Variants in CELF2 observed in about 807,000 individuals in gnomAD.
CELF2 encodes the protein CUGBP Elav-like family member 2.
A neutral mutation model predicts 62.6 loss-of-function variants in CELF2; 8 were observed. That is an observed-to-expected ratio of 0.13 (90% confidence interval 0.07 to 0.23). The LOEUF (loss-of-function observed/expected upper bound fraction) is 0.23. Among genes scored for constraint, CELF2 ranks in the 10% least tolerant of loss-of-function variants. CELF2 has a pLI of 1.00. For synonymous variants in CELF2, 258 were observed against 250.0 expected (o/e 1.03, Z -0.30); for missense variants, 333 against 671.0 (o/e 0.50, Z 5.56).
chr10:10,862,219 A>G (rs1591303965), intron 1 of CELF2, among the ~76,000 whole-genome samples: 1 of 152,212 alleles, frequency 6.6e-6, no homozygotes, highest in African/African-American at 2.4e-5. Flanking sequence ...CCAGTGGCTT[A>G]AAACAGTCCT....
chr10:11,307,079 G>A (rs533178354), intron 9 of CELF2, among the ~76,000 whole-genome samples: 2 of 152,318 alleles, frequency 1.3e-5, no homozygotes, highest in South Asian at 2.1e-4. Context: ...AGCAGTGTGT[G>A]GCATCAACAC....
chr10:10,877,296 C>T (rs998745552), intron 1 of CELF2, among the ~76,000 whole-genome samples: 2 of 152,198 alleles, frequency 1.3e-5, no homozygotes, highest in Non-Finnish European at 2.9e-5. Flanking sequence ...CTCAGGAGAT[C>T]CTGATGACAT....
chr10:10,925,886 C>T (rs1373576952), intron 2 of CELF2, among the ~76,000 whole-genome samples: 1 of 152,198 alleles, frequency 6.6e-6, no homozygotes, highest in Non-Finnish European at 1.5e-5. Flanking sequence ...AGCACCCAGA[C>T]TCTGCGATCA....
At chr10:10,891,676 G>T (rs557755989) in intron 1 of CELF2, among the ~76,000 whole-genome samples, 3 of 152,114 alleles carry the variant, frequency 2.0e-5, no homozygotes, top group African/African-American at 7.2e-5. Flanking sequence ...TCCATGACTC[G>T]ATGCGGCTGC....
At chr10:11,215,515 A>G (rs1589215298) in intron 2 of CELF2, among the ~76,000 whole-genome samples, 2 of 151,930 alleles carry the variant, frequency 1.3e-5, no homozygotes, top group African/African-American at 4.8e-5. Context: ...CAGCCAGTAA[A>G]TGGCTGCATC....
chr10:11,305,243 T>C lies in CELF2; in HGVS notation c.977-8896T>C, dbSNP rs989079818. Among the ~76,000 whole-genome samples, 1 of 152,228 alleles carries C rather than the reference T, an allele frequency of 6.6e-6. No homozygotes were observed. The highest frequency in any genetic ancestry group is 2.4e-5 in the African/African-American group (1 of 41,462). On this transcript the variant is annotated intron_variant, in intron 9 of 12. Coordinates refer to ENST00000633077, the MANE Select transcript of CELF2 (RefSeq NM_001326342.2). The surrounding 1 kb of genome is among the most constrained non-coding windows in gnomAD (Gnocchi z 4.8). ...AGTGGAGCTCAGGTCCTTGCCTCTCTGGAAATTTATTTGAGTTGGTTTGAG... is the reference window on the plus strand; with the variant it reads ...AGTGGAGCTCAGGTCCTTGCCTCTCCGGAAATTTATTTGAGTTGGTTTGAG...
At chr10:10,924,281 CAAAAAAAAAA>C (rs11415164) in intron 2 of CELF2, among the ~76,000 whole-genome samples, 537 of 45,102 alleles carry the variant, frequency 0.012, 13 homozygotes, top group African/African-American at 0.043. Context: ...GACTCCGTCC[CAAAAAAAAAA>C]AAAAAAAAAA....
chr10:10,821,461 A>C (rs1464317938), intron 1 of CELF2, among the ~76,000 whole-genome samples: 1 of 152,126 alleles, frequency 6.6e-6, no homozygotes. Context: ...GTATTTAATT[A>C]TCATTAAGTT....
chr10:10,953,093 T>C (rs1224479473), intron 2 of CELF2, among the ~76,000 whole-genome samples: 1 of 152,194 alleles, frequency 6.6e-6, no homozygotes, highest in African/African-American at 2.4e-5. Context: ...TCTCGTTCTG[T>C]CCTCGAGCCA....
rs921059736 is a variant in CELF2, at chr10:11,316,044, C to T, written c.1096+1786C>T. The stretch of plus-strand genomic sequence containing the variant: ...GTCCCGCCCTGTCCACGCTGCTCTG[C>T]TCTGCATTGCTGAGATTTTCCCATC... On this transcript the variant is annotated intron_variant, in intron 10 of 12. Transcript: ENST00000633077. The surrounding 1 kb of genome is among the most constrained non-coding windows in gnomAD (Gnocchi z 4.4). Among the ~76,000 whole-genome samples the T allele has an allele frequency of 3.3e-5, 5 of 152,244 alleles. No individual in the cohort carries two copies. Among genetic ancestry groups the T allele is most frequent in the African/African-American group, 4.8e-5 (2 of 41,470 alleles).
At position 11,267,416 on chromosome 10, in the gene CELF2, T is replaced by C. The variant is rs1157004292; in HGVS notation, c.618+739T>C. Among the ~76,000 whole-genome samples, 2 of 152,194 alleles carry C rather than the reference T, an allele frequency of 1.3e-5. No individual in the cohort carries two copies. The highest frequency in any genetic ancestry group is 4.8e-5 in the African/African-American group (2 of 41,454). ...ATTTGGGTCATGGCCTTTCAGAATT[T>C]TGCACAAAAGCATTCCAAGAGTGAT... On this transcript the variant is annotated intron_variant, in intron 6 of 12. Transcript: ENST00000633077. The surrounding 1 kb of genome is among the most constrained non-coding windows in gnomAD (Gnocchi z 4.4).
At chr10:10,801,121 A>G (rs2054620843) in intron 1 of CELF2, among the ~76,000 whole-genome samples, 2 of 152,030 alleles carry the variant, frequency 1.3e-5, no homozygotes, top group Non-Finnish European at 2.9e-5. Flanking sequence ...AACATGCCCC[A>G]AATTTAAGTG....
At chr10:11,115,439 G>A (rs1667666787) in intron 1 of CELF2, among the ~76,000 whole-genome samples, 1 of 152,134 alleles carries the variant, frequency 6.6e-6, no homozygotes, top group South Asian at 2.1e-4. Context: ...AAAAGAAAGG[G>A]CTTGCTTGTA....
At chr10:10,503,972 TTTTACCAG>T in the CELF2 span, among the ~76,000 whole-genome samples, 1 of 152,030 alleles carries the variant, frequency 6.6e-6, no homozygotes, top group Admixed American at 6.5e-5. Flanking sequence ...GATATCATCA[TTTTACCAG>T]TTTAAGTGAA....
the CELF2 span, among the ~76,000 whole-genome samples, chr10:10,629,844 A>T: frequency 7.8e-6 from 1 of 128,658 alleles, no homozygotes; most frequent in Non-Finnish European, 1.6e-5. Context: ...AAACCATTGC[A>T]AAGCACGGCT....
chr10:10,960,297 A>G (rs1375938789), intron 2 of CELF2: 1 of 152,248 alleles, frequency 6.6e-6, no homozygotes, highest in East Asian at 1.9e-4. Flanking sequence ...CCACTTGAAG[A>G]CAGCATTCTT....
At chr10:10,550,754 A>C in the CELF2 span, among the ~76,000 whole-genome samples, 1 of 151,192 alleles carries the variant, frequency 6.6e-6, no homozygotes. Flanking sequence ...GCTGGAGTGC[A>C]ATGGCACCAT....
the CELF2 span, among the ~76,000 whole-genome samples, chr10:10,566,884 G>T: frequency 6.6e-6 from 1 of 151,992 alleles, no homozygotes; most frequent in Non-Finnish European, 1.5e-5. Flanking sequence ...CTCTTCCACC[G>T]ATCTCTACTT....
the CELF2 span, among the ~76,000 whole-genome samples, chr10:10,740,968 GTT>G: frequency 6.6e-6 from 1 of 152,154 alleles, no homozygotes; most frequent in African/African-American, 2.4e-5. Context: ...AGGTACAAAT[GTT>G]TAGTAAGGCA....
Sources: allele counts gnomAD v4.1 joint callset (sites outside exome capture counted in the v4.1 genomes callset), GRCh38; gene constraint gnomAD v4.1.1; non-coding constraint Gnocchi (gnomAD v3.1); transcripts MANE v1.5; gene names NCBI Gene and HGNC (gene_info 2026-07-23, HGNC 2026-07-21).